TRAPPC10: variants seen among roughly 807,000 people sequenced by gnomAD.
The protein encoded by TRAPPC10 is trafficking protein particle complex subunit 10.
Under a neutral mutation model 125.5 loss-of-function variants are expected in TRAPPC10, and 23 were observed. The observed-to-expected ratio is 0.18, with a 90% confidence interval of 0.13 to 0.26. TRAPPC10 has a LOEUF of 0.26. TRAPPC10 is among the 10% of genes least tolerant of loss of function. TRAPPC10 has a pLI of 1.00. For synonymous variants in TRAPPC10, 509 were observed against 518.0 expected (o/e 0.98, Z 0.24); for missense variants, 1,123 against 1,308.4 (o/e 0.86, Z 2.19).
intron 7 of TRAPPC10, among the ~76,000 whole-genome samples, chr21:44,064,626 C>T (rs559965530): frequency 3.1e-4 from 47 of 152,078 alleles, no homozygotes; most frequent in South Asian, 4.1e-4. Flanking sequence ...AACAAGAAAA[C>T]GGAGTCTGGA....
intron 4 of TRAPPC10, among the ~76,000 whole-genome samples, chr21:44,054,213 C>G (rs1383679762): frequency 1.3e-5 from 2 of 152,192 alleles, no homozygotes. Flanking sequence ...GTGAGCGGCT[C>G]TGGTCCCTTT....
At chr21:44,040,934 A>G (rs2145749263) in intron 3 of TRAPPC10, among the ~76,000 whole-genome samples, 1 of 152,052 alleles carries the variant, frequency 6.6e-6, no homozygotes, top group Non-Finnish European at 1.5e-5. Context: ...TCAATATTGA[A>G]CTATATTTAT....
intron 4 of TRAPPC10, 103 bp from the exon 5 acceptor site, chr21:44,055,592 AAGG>A (rs1193761770): frequency 1.0e-5 from 9 of 887,948 alleles, no homozygotes; most frequent in Admixed American, 4.8e-5. Context: ...AAAAAAAAAA[AAGG>A]AGGAGGAAGG....
intron 2 of TRAPPC10, among the ~76,000 whole-genome samples, chr21:44,034,210 A>G (rs1420084835): frequency 2.0e-5 from 3 of 152,144 alleles, no homozygotes; most frequent in Non-Finnish European, 4.4e-5. Flanking sequence ...CAGATCTTGG[A>G]AGGCCCGGGT....
chr21:44,034,253 G>T (rs543156993), intron 2 of TRAPPC10, among the ~76,000 whole-genome samples: 3 of 152,132 alleles, frequency 2.0e-5, no homozygotes, highest in African/African-American at 7.2e-5. Flanking sequence ...GTTGGCAGAG[G>T]TGTGGACAGG....
In TRAPPC10 at chr21:44,059,165, C is replaced by T. The variant is rs573196221; in HGVS notation, c.741C>T (p.Asp247=). Residue 247 remains aspartate, a synonymous_variant, in exon 6 of 23, where the codon GAC becomes GAT. Transcript: ENST00000291574. The surrounding 1 kb of genome is among the most constrained non-coding windows in gnomAD (Gnocchi z 4.4). The part of the protein sequence containing the change: ...QQFEDALVQY[D]ELDALFSQYV... ...TCGAGGACGCCCTGGTGCAGTACGA[C>T]GAACTGGACGCCCTCTTCTCTCAGT... 4 of 1,612,168 alleles carry T rather than the reference C, an allele frequency of 2.5e-6. No homozygotes were observed. Among genetic ancestry groups the T allele is most frequent in the African/African-American group, 2.7e-5 (2 of 74,912 alleles).
rs530237125 is a variant in TRAPPC10, at chr21:44,051,837, G to C, written c.286-443G>C. ...TGCCTGGGGTTCCTGTGGGCAGTCT[G>C]GGCTGTGCCATGACAGCCAGCTTGC... On this transcript the variant is annotated intron_variant, in intron 3 of 22. Transcript: ENST00000291574. Among the ~76,000 whole-genome samples, 983 of 152,322 alleles carry C rather than the reference G, an allele frequency of 6.5e-3. 2 individuals carry two copies. The highest frequency in any genetic ancestry group is 0.012 in the Non-Finnish European group (786 of 68,022).
intron 1 of TRAPPC10, among the ~76,000 whole-genome samples, chr21:44,023,770 T>C (rs1015213539): frequency 4.6e-5 from 7 of 152,176 alleles, no homozygotes; most frequent in Non-Finnish European, 8.8e-5. Flanking sequence ...TGTTTGTTTG[T>C]TTTTTGTTTT....
At chr21:44,028,194 T>TAA (rs1221205313) in intron 1 of TRAPPC10, among the ~76,000 whole-genome samples, 9 of 152,224 alleles carry the variant, frequency 5.9e-5, no homozygotes, top group African/African-American at 2.2e-4. Context: ...CAGTAATAAT[T>TAA]CAGGAAATAG....
chr21:44,036,371 C>G (rs1403812562), intron 2 of TRAPPC10, among the ~76,000 whole-genome samples: 1 of 152,238 alleles, frequency 6.6e-6, no homozygotes, highest in African/African-American at 2.4e-5. Flanking sequence ...TCTGTCACAG[C>G]TTCCCACCCT....
Position 44,063,806 on chromosome 21 carries a change from A to G in TRAPPC10, c.1038+21A>G, listed in dbSNP as rs759389332. 9.4e-6 allele frequency: 15 copies of G among 1,603,964 alleles called. No homozygotes were observed. The highest frequency in any genetic ancestry group is 1.7e-5 in the Admixed American group (1 of 59,066). ...TAGAAGTGAGTCGGCTGTTTTCCCAATTTACCCGTTTCTTGATTGTTCCAG... is the reference window on the plus strand; with the variant it reads ...TAGAAGTGAGTCGGCTGTTTTCCCAGTTTACCCGTTTCTTGATTGTTCCAG... On this transcript the variant is annotated intron_variant, in intron 7 of 22. Transcript: ENST00000291574. The surrounding 1 kb of genome is among the most constrained non-coding windows in gnomAD (Gnocchi z 4.4).
intron 9 of TRAPPC10, among the ~76,000 whole-genome samples, chr21:44,076,112 C>T (rs567035363): frequency 6.6e-6 from 1 of 151,632 alleles, no homozygotes; most frequent in Non-Finnish European, 1.5e-5. Flanking sequence ...CATTGTTTTA[C>T]GTAGGAATAT....
intron 9 of TRAPPC10, 45 bp downstream of exon 9, chr21:44,075,198 A>T: frequency 1.4e-6 from 2 of 1,387,506 alleles, no homozygotes. Context: ...GTGGACAGTA[A>T]TGAAAATGTC....
chr21:44,052,935 A>G (rs571591040), intron 4 of TRAPPC10, among the ~76,000 whole-genome samples: 2 of 152,260 alleles, frequency 1.3e-5, no homozygotes, highest in African/African-American at 2.4e-5. Flanking sequence ...TTGGCAGTTA[A>G]TAGATTGTAT....
At chr21:44,075,397 G>A (rs1158065274) in intron 9 of TRAPPC10, among the ~76,000 whole-genome samples, 2 of 152,098 alleles carry the variant, frequency 1.3e-5, no homozygotes, top group Non-Finnish European at 2.9e-5. Context: ...AGTTTCTCCT[G>A]GGCTTAAGGG....
chr21:44,091,896 A>C, intron 18 of TRAPPC10, 27 bp from the exon 19 acceptor site: 1 of 1,609,130 alleles, frequency 6.2e-7, no homozygotes, highest in Non-Finnish European at 8.5e-7. Context: ...ACATATCAAA[A>C]TAATACTTTT....
chr21:44,055,770 A>G lies in TRAPPC10; in HGVS notation c.555A>G (p.Lys185=). The change falls in exon 5 of 23, where the codon AAA becomes AAG. Residue 185 remains lysine, a synonymous_variant. Transcript: ENST00000291574. Reference sequence around the variant, plus strand: ...AATCCTGGAATGCCTTCCTGACCAAACTCAGGACATTGCTTCTTATGTCTT... The same window carrying G: ...AATCCTGGAATGCCTTCCTGACCAAGCTCAGGACATTGCTTCTTATGTCTT... ...TQESWNAFLT[K]LRTLLLMSFT... is the part of the protein sequence containing the mutation. The G allele has an allele frequency of 6.2e-7, 1 of 1,613,764 alleles. No individual in the cohort carries two copies. The highest frequency in any genetic ancestry group is 8.5e-7 in the Non-Finnish European group (1 of 1,179,816).
At chr21:44,094,305 A>C in intron 20 of TRAPPC10, 72 bp downstream of exon 20, 4 of 1,401,370 alleles carry the variant, frequency 2.9e-6, no homozygotes, top group Non-Finnish European at 4.0e-6. Flanking sequence ...TTATAATCTG[A>C]AGAACTGAAT....
chr21:44,013,565 C>G (rs1601525448), intron 1 of TRAPPC10, among the ~76,000 whole-genome samples: 1 of 152,224 alleles, frequency 6.6e-6, no homozygotes, highest in Non-Finnish European at 1.5e-5. Flanking sequence ...ACTCCTGTTT[C>G]CCTCTCACTC....
Sources: gnomAD v4.1 joint callset for allele counts (sites outside exome capture counted in the v4.1 genomes callset) on GRCh38, gnomAD v4.1.1 for gene constraint, Gnocchi (gnomAD v3.1) non-coding constraint, MANE v1.5 for transcripts, NCBI Gene and HGNC (gene_info 2026-07-23, HGNC 2026-07-21) for gene names.